The following RUSC2 variants were observed in gnomAD, a reference collection of about 807,000 sequenced individuals.
RUSC2 encodes AP-4 complex accessory subunit RUSC2.
RUSC2 carries 34 observed loss-of-function variants against 122.2 expected under a neutral mutation model. The observed-to-expected ratio is 0.28, with a 90% CI of 0.21 to 0.37. The LOEUF (loss-of-function observed/expected upper bound fraction) is 0.37. Ranked by LOEUF, RUSC2 falls within the 10% of genes least tolerant of loss-of-function variation. The pLI, the probability that RUSC2 is intolerant of heterozygous loss-of-function variation, is 1.00. For synonymous variants in RUSC2, 784 were observed against 790.0 expected (o/e 0.99, Z 0.13); for missense variants, 1,747 against 1,952.4 (o/e 0.89, Z 1.98).
At chr9:35,527,138 G>GTTTTTTTT in intron 1 of RUSC2, among the ~76,000 whole-genome samples, 1 of 149,180 alleles carries the variant, frequency 6.7e-6, no homozygotes. Context: ...TCCTTTCGTT[G>GTTTTTTTT]TTTTTTTTTT....
chr9:35,554,785 A>C (rs565739844), intron 2 of RUSC2, among the ~76,000 whole-genome samples: 1 of 151,162 alleles, frequency 6.6e-6, no homozygotes, highest in African/African-American at 2.4e-5. Flanking sequence ...GGTGAGATGC[A>C]AGAGTTGAGC....
intron 1 of RUSC2, among the ~76,000 whole-genome samples, chr9:35,504,478 T>C (rs2132498191): frequency 6.6e-6 from 1 of 151,830 alleles, no homozygotes; most frequent in East Asian, 1.9e-4. Flanking sequence ...TCTTTTTTTT[T>C]TTTTGAGACG....
Position 35,548,197 on chromosome 9 carries a change from C to T in RUSC2, c.1676C>T (p.Ser559Leu), listed in dbSNP as rs771241441. ...CGGAAGAAAACTGGAGGCTCTGGCT[C>T]GCCCCCACTTCGTGTGAGTGTTGGG... is the stretch of plus-strand genomic sequence containing the variant. ...KGRKKTGGSG[S>L]PPLRVSVGDS... Residue 559 changes from serine (S) to leucine (L), a missense_variant, in exon 2 of 12, where the codon TCG becomes TTG. Ser to Leu is a moderately radical substitution (Grantham distance 145). Transcript: ENST00000361226. This position sits in a 1 kb window ranked among gnomAD's most constrained non-coding sequence, Gnocchi z 4.5. 12 of 1,613,068 alleles carry T rather than the reference C, an allele frequency of 7.4e-6. No individual in the cohort carries two copies. The highest frequency in any genetic ancestry group is 2.2e-5 in the East Asian group (1 of 44,886).
intron 1 of RUSC2, among the ~76,000 whole-genome samples, chr9:35,521,578 C>G (rs938614168): frequency 2.6e-5 from 4 of 152,238 alleles, no homozygotes; most frequent in Non-Finnish European, 4.4e-5. Context: ...TAAGCCCATT[C>G]TACTTCAGAG....
rs148890443 is a variant in RUSC2 at position 35,490,592 on chromosome 9, C to T, written c.-93+420C>T. The stretch of plus-strand genomic sequence containing the variant: ...TTGGGGAAGCGTGGCCGCCCGGCAC[C>T]CAGGCCGGCGACTGCAGCGGGGGCC... On this transcript the variant is annotated intron_variant, in intron 1 of 11. Coordinates refer to ENST00000361226, the MANE Select transcript of RUSC2 (RefSeq NM_014806.5). Among the ~76,000 whole-genome samples the T allele has an allele frequency of 5.3e-4, 81 of 152,298 alleles. No homozygotes were observed. In the East Asian group the frequency reaches 0.016, roughly 29 times the overall value.
At chr9:35,513,190 T>TTTG (rs147038968) in intron 1 of RUSC2, among the ~76,000 whole-genome samples, 48,132 of 149,592 alleles carry the variant, frequency 0.32, 8,309 homozygotes, top group East Asian at 0.53. Context: ...TATACTTTGT[T>TTTG]TTGTTGTTGT....
chr9:35,490,668 C>T (rs1347256897), intron 1 of RUSC2, among the ~76,000 whole-genome samples: 1 of 152,312 alleles, frequency 6.6e-6, no homozygotes, highest in East Asian at 1.9e-4. Flanking sequence ...ACCCTTTTAG[C>T]CCCTGCCTCC....
chr9:35,540,860 G>T (rs1183127001), intron 1 of RUSC2, among the ~76,000 whole-genome samples: 1 of 152,054 alleles, frequency 6.6e-6, no homozygotes, highest in East Asian at 1.9e-4. Flanking sequence ...GGCAGACCTG[G>T]GATTGAATCC....
rs149421928 is a variant in RUSC2 at position 35,541,413 on chromosome 9, T to C, written c.-92-5017T>C. Among the ~76,000 whole-genome samples the C allele has an allele frequency of 6.4e-4, 98 of 151,962 alleles. No individual in the cohort carries two copies. In the East Asian group the frequency reaches 0.017, roughly 26 times the overall value. ...AAAGGAGCCTGAGATACGCTCTCAG[T>C]AAATGTTCTCTGTGGTGTCATATGT... On this transcript the variant is annotated intron_variant, in intron 1 of 11. Transcript: ENST00000361226.
At chr9:35,543,244 G>A (rs745675434) in intron 1 of RUSC2, among the ~76,000 whole-genome samples, 1 of 152,110 alleles carries the variant, frequency 6.6e-6, no homozygotes, top group Non-Finnish European at 1.5e-5. Flanking sequence ...TTGGCAACAT[G>A]GAGAAACCAT....
rs768563395 is a variant in RUSC2 at position 35,561,134 on chromosome 9, G to A, written c.4349+37G>A. The stretch of plus-strand genomic sequence containing the variant: ...GAAACGGAAGGGCTGAGGGGGGCGG[G>A]GGGCTTTTGAGGGGGTTTCTCTGAC... On this transcript the variant is annotated intron_variant, in intron 11 of 11. Coordinates refer to ENST00000361226, the MANE Select transcript of RUSC2 (RefSeq NM_014806.5). The A allele has an allele frequency of 1.2e-5, 19 of 1,613,346 alleles. No homozygotes were observed. In the South Asian group the frequency reaches 2.0e-4, roughly 17 times the overall value.
chr9:35,516,022 A>AAAAAAAAAAAAAAAAAAAAAAATAAAAAG, intron 1 of RUSC2, among the ~76,000 whole-genome samples: 1 of 127,116 alleles, frequency 7.9e-6, no homozygotes, highest in Non-Finnish European at 1.6e-5. Flanking sequence ...AAAAAAAAAA[A>AAAAAAAAAAAAAAAAAAAAAAATAAAAAG]AGAGAAATGC....
chr9:35,526,310 TCCAGTC>T (rs1204065780), intron 1 of RUSC2, among the ~76,000 whole-genome samples: 1 of 152,186 alleles, frequency 6.6e-6, no homozygotes, highest in Non-Finnish European at 1.5e-5. Flanking sequence ...GGTATCCATA[TCCAGTC>T]TTTTCATGTT....
rs1401811071 is a variant in RUSC2 at position 35,547,411 on chromosome 9, C to T, written c.890C>T (p.Ala297Val). 10 of 1,614,072 alleles carry T rather than the reference C, an allele frequency of 6.2e-6. No individual in the cohort carries two copies. Among genetic ancestry groups the T allele is most frequent in the Non-Finnish European group, 6.8e-6 (8 of 1,180,040 alleles). The change falls in exon 2 of 12, where the codon GCC becomes GTC. Residue 297 changes from alanine to valine, a missense_variant. By Grantham distance (64) the Ala-to-Val change is moderately conservative. Coordinates refer to ENST00000361226, the MANE Select transcript of RUSC2 (RefSeq NM_014806.5). This position sits in a 1 kb window ranked among gnomAD's most constrained non-coding sequence, Gnocchi z 4.6. ...AACAAGATGCATGGCACCCCCCGTG[C>T]CAATCTCAACTCTGCCCCACAGTCC... is the stretch of plus-strand genomic sequence containing the variant. ...LYNKMHGTPR[A>V]NLNSAPQSCS...
In RUSC2 at chr9:35,555,374, C is replaced by G; in HGVS notation, c.2329C>G (p.Leu777Val). 6.2e-7 allele frequency: 1 copy of G among 1,614,276 alleles called. No individual in the cohort carries two copies. ...SEPETSRPSP[L>V]GSYSPIRSVG... ...GCCAGAGACCTCTCGGCCATCGCCC[C>G]TGGGCAGCTACTCCCCCATCCGGAG... The change falls in exon 3 of 12, where the codon CTG becomes GTG. Residue 777 changes from leucine to valine, a missense_variant. Transcript: ENST00000361226. This position sits in a 1 kb window ranked among gnomAD's most constrained non-coding sequence, Gnocchi z 4.6.
chr9:35,548,816 G>A lies in RUSC2; in HGVS notation c.2014+281G>A, dbSNP rs1821829029. 1.1e-6 allele frequency: 1 copy of A among 883,120 alleles called. No homozygotes were observed. Among genetic ancestry groups the A allele is most frequent in the Middle Eastern group, 5.8e-4 (1 of 1,728 alleles). The allele number at this position is 883,120 out of a possible 1,614,324, so 54.7% of individuals were successfully genotyped here. On this transcript the variant is annotated intron_variant, in intron 2 of 11. Transcript: ENST00000361226. This position sits in a 1 kb window ranked among gnomAD's most constrained non-coding sequence, Gnocchi z 4.5. ...AGGCCAAGCCAGGCGAATCACTTGA[G>A]GTCAGGAGTTTGAGACCAGCCTGGC...
chr9:35,503,775 A>T lies in RUSC2; in HGVS notation c.-93+13603A>T, dbSNP rs570897839. Among the ~76,000 whole-genome samples the T allele has an allele frequency of 1.7e-4, 26 of 149,112 alleles. No homozygotes were observed. The Middle Eastern group carries it at 0.01, about 60-fold the overall frequency. On this transcript the variant is annotated intron_variant, in intron 1 of 11. Transcript: ENST00000361226. The stretch of plus-strand genomic sequence containing the variant: ...ATCCACAGCAACAACATCTATTATT[A>T]TTTTTTTTTTCTTTTTTGAGACAGA...
At chr9:35,529,176 G>A (rs1005063000) in intron 1 of RUSC2, among the ~76,000 whole-genome samples, 1 of 152,136 alleles carries the variant, frequency 6.6e-6, no homozygotes, top group African/African-American at 2.4e-5. Flanking sequence ...ATCAAGGAGG[G>A]TAGAGATATA....
intron 1 of RUSC2, among the ~76,000 whole-genome samples, chr9:35,532,961 C>G (rs900799737): frequency 6.6e-6 from 1 of 150,834 alleles, no homozygotes; most frequent in Admixed American, 6.6e-5. Flanking sequence ...ATTTTGGTGT[C>G]GAGGCTGGGT....
Sources: allele counts gnomAD v4.1 joint callset (sites outside exome capture counted in the v4.1 genomes callset), GRCh38; gene constraint gnomAD v4.1.1; non-coding constraint Gnocchi (gnomAD v3.1); transcripts MANE v1.5; gene names NCBI Gene and HGNC (gene_info 2026-07-23, HGNC 2026-07-21).